The following PTPN14 variants were observed in gnomAD, a reference collection of about 807,000 sequenced individuals.
The protein encoded by PTPN14 is tyrosine-protein phosphatase non-receptor type 14.
PTPN14 carries 53 observed loss-of-function variants against 126.8 expected under a neutral mutation model. That is an observed-to-expected ratio of 0.42 (90% CI 0.34 to 0.53). The LOEUF is 0.53. Ranked by LOEUF, PTPN14 falls within the 20% of genes least tolerant of loss-of-function variation. The probability of loss-of-function intolerance (pLI) is 0.08; values close to 1 mark genes in which losing one functional copy is unlikely to be tolerated. For missense variants in PTPN14, 1,257 were observed against 1,552.9 expected, an observed-to-expected ratio of 0.81 and a Z score of 3.20; for synonymous variants, 630 against 599.3, an observed-to-expected ratio of 1.05 and a Z score of -0.75.
At chr1:214,414,514 G>A in intron 4 of PTPN14, 115 bp downstream of exon 4, 2 of 919,004 alleles carry the variant, frequency 2.2e-6, no homozygotes, top group Non-Finnish European at 3.3e-6. Flanking sequence ...GAAATAAAAA[G>A]GGAGCATTAC....
chr1:214,444,374 A>G (rs1660097857), intron 3 of PTPN14, among the ~76,000 whole-genome samples: 1 of 152,212 alleles, frequency 6.6e-6, no homozygotes, highest in African/African-American at 2.4e-5. Context: ...TCAGCAAATT[A>G]TATTATCCAC....
chr1:214,402,860 C>T (rs1286025272), intron 6 of PTPN14, 23 bp downstream of exon 6: 1 of 1,611,780 alleles, frequency 6.2e-7, no homozygotes, highest in Non-Finnish European at 8.5e-7. Flanking sequence ...TGCAGGCAGC[C>T]CCTTACCCTC....
chr1:214,521,936 CTTTTTT>C (rs367888207), intron 1 of PTPN14, among the ~76,000 whole-genome samples: 1 of 99,928 alleles, frequency 1.0e-5, no homozygotes, highest in South Asian at 3.8e-4. Flanking sequence ...AAATCTGAAG[CTTTTTT>C]TTTTTTTTTT....
At chr1:214,501,941 C>T (rs995035569) in intron 1 of PTPN14, among the ~76,000 whole-genome samples, 2 of 151,536 alleles carry the variant, frequency 1.3e-5, no homozygotes, top group Non-Finnish European at 2.9e-5. Context: ...CGCCTGTAGT[C>T]CCAGCTACTG....
intron 1 of PTPN14, among the ~76,000 whole-genome samples, chr1:214,481,712 G>A (rs973024829): frequency 3.3e-5 from 5 of 151,838 alleles, no homozygotes; most frequent in Admixed American, 6.6e-5. Flanking sequence ...TGAGCTAGGC[G>A]CGGTGGCTCA....
At chr1:214,405,340 T>G (rs908779139) in intron 5 of PTPN14, among the ~76,000 whole-genome samples, 5 of 152,182 alleles carry the variant, frequency 3.3e-5, no homozygotes, top group Non-Finnish European at 5.9e-5. Context: ...TTATCCTTGA[T>G]CCTTGTCTCC....
At chr1:214,540,284 C>A (rs1046860663) in intron 1 of PTPN14, among the ~76,000 whole-genome samples, 1 of 152,104 alleles carries the variant, frequency 6.6e-6, no homozygotes, top group Admixed American at 6.5e-5. Context: ...ATTTAAAGCA[C>A]ATTTTACAAA....
At chr1:214,385,249 C>G (rs1207732396) in intron 12 of PTPN14, among the ~76,000 whole-genome samples, 1 of 152,114 alleles carries the variant, frequency 6.6e-6, no homozygotes, top group Non-Finnish European at 1.5e-5. Context: ...ATGGAAAAAG[C>G]CCCTTCACCC....
intron 2 of PTPN14, among the ~76,000 whole-genome samples, chr1:214,459,743 A>C (rs1428320586): frequency 6.6e-6 from 1 of 152,050 alleles, no homozygotes; most frequent in African/African-American, 2.4e-5. Context: ...CTGAGATTAC[A>C]GGCGCAAGCC....
intron 18 of PTPN14, among the ~76,000 whole-genome samples, chr1:214,363,028 GTTCTAGAGAT>G (rs1349438364): frequency 6.6e-6 from 1 of 152,278 alleles, no homozygotes; most frequent in African/African-American, 2.4e-5. Flanking sequence ...GTTACTCATT[GTTCTAGAGAT>G]TTCTAGAGAC....
chr1:214,364,761 TGGTG>T lies in PTPN14; in HGVS notation c.3272-90_3272-87del. ...GGAGGGGGGAGCGGAAGAGAACTGA[TGGTG>T]AGTGTGTGTGTGTGTGTGTGTGTGT... On this transcript the variant is annotated intron_variant, in intron 17 of 18. Transcript: ENST00000366956. This position sits in a 1 kb window ranked among gnomAD's most constrained non-coding sequence, Gnocchi z 4.1. The T allele has an allele frequency of 2.7e-6, 2 of 749,158 alleles. No homozygotes were observed. Among genetic ancestry groups the T allele is most frequent in the African/African-American group, 3.2e-5 (1 of 31,320 alleles). The allele number at this position is 749,158 out of a possible 1,614,324, so 46.4% of individuals were successfully genotyped here.
At chr1:214,525,699 T>A (rs999186806) in intron 1 of PTPN14, among the ~76,000 whole-genome samples, 2 of 152,114 alleles carry the variant, frequency 1.3e-5, no homozygotes, top group African/African-American at 4.8e-5. Context: ...TTCTACTAGA[T>A]CAACTAAGTC....
chr1:214,536,280 C>T (rs1237384360), intron 1 of PTPN14, among the ~76,000 whole-genome samples: 1 of 151,964 alleles, frequency 6.6e-6, no homozygotes, highest in Non-Finnish European at 1.5e-5. Flanking sequence ...TGTTGGCATA[C>T]ACCTATGGTC....
At chr1:214,454,270 A>AT (rs1426999185) in intron 2 of PTPN14, among the ~76,000 whole-genome samples, 1 of 152,210 alleles carries the variant, frequency 6.6e-6, no homozygotes, top group Non-Finnish European at 1.5e-5. Context: ...TAGTTTTGAC[A>AT]TTTGGGAGAT....
intron 1 of PTPN14, among the ~76,000 whole-genome samples, chr1:214,493,767 T>A (rs996586115): frequency 5.9e-5 from 9 of 152,216 alleles, no homozygotes; most frequent in African/African-American, 1.9e-4. Context: ...CACACATATA[T>A]GGTCAAGATT....
At chr1:214,506,353 TAA>T (rs1224925455) in intron 1 of PTPN14, among the ~76,000 whole-genome samples, 2,510 of 148,286 alleles carry the variant, frequency 0.017, 66 homozygotes, top group African/African-American at 0.062. Flanking sequence ...TTTTTTTTTT[TAA>T]AATTTTTTAA....
In PTPN14 at chr1:214,539,302, A is replaced by C. The variant is rs78214452; in HGVS notation, c.-155+11881T>G. Reference sequence around the variant, plus strand: ...TTTTTAAAAGATTCTTACTAAAATGAATTTAGCTTTGAAACATTTTCATTT... The same window carrying C: ...TTTTTAAAAGATTCTTACTAAAATGCATTTAGCTTTGAAACATTTTCATTT... On this transcript the variant is annotated intron_variant, in intron 1 of 18. Transcript: ENST00000366956. Among the ~76,000 whole-genome samples the C allele has an allele frequency of 7.5e-3, 1,149 of 152,286 alleles. 13 individuals are homozygous for C. The highest frequency in any genetic ancestry group is 0.026 in the African/African-American group (1,080 of 41,558).
chr1:214,537,820 T>C (rs192426972), intron 1 of PTPN14, among the ~76,000 whole-genome samples: 31 of 152,330 alleles, frequency 2.0e-4, no homozygotes, highest in African/African-American at 7.5e-4. Flanking sequence ...TATAATGTGA[T>C]CCATAAATGC....
At chr1:214,469,359 T>G (rs1171943243) in intron 1 of PTPN14, among the ~76,000 whole-genome samples, 2 of 152,214 alleles carry the variant, frequency 1.3e-5, no homozygotes, top group Non-Finnish European at 2.9e-5. Context: ...CCAATAGGAA[T>G]ACCTCTGCTT....
Sources: allele counts gnomAD v4.1 joint callset (sites outside exome capture counted in the v4.1 genomes callset), GRCh38; gene constraint gnomAD v4.1.1; non-coding constraint Gnocchi (gnomAD v3.1); transcripts MANE v1.5; gene names NCBI Gene and HGNC (gene_info 2026-07-23, HGNC 2026-07-21).